The following AFG2A variants were observed in gnomAD, a reference collection of about 807,000 sequenced individuals.
AFG2A encodes the protein AAA ATPase AFG2A.
chr4:122,950,944 A>G, the AFG2A span, among the ~76,000 whole-genome samples: 2 of 152,184 alleles, frequency 1.3e-5, no homozygotes, highest in African/African-American at 2.4e-5. Context: ...GCAGGCTCCA[A>G]TTCTTTGCTA....
the AFG2A span, among the ~76,000 whole-genome samples, chr4:123,086,656 T>G: frequency 1.3e-5 from 2 of 152,164 alleles, no homozygotes; most frequent in Non-Finnish European, 2.9e-5. Context: ...ACCTATTTGC[T>G]TCATAGTTCT....
the AFG2A span, among the ~76,000 whole-genome samples, chr4:123,242,724 G>T: frequency 6.6e-6 from 1 of 152,236 alleles, no homozygotes; most frequent in African/African-American, 2.4e-5. Flanking sequence ...GAAAGAAATG[G>T]CAACAAAAGC....
At chr4:123,231,973 C>T in the AFG2A span, among the ~76,000 whole-genome samples, 1 of 151,858 alleles carries the variant, frequency 6.6e-6, no homozygotes, top group African/African-American at 2.4e-5. Flanking sequence ...ACAGTGATCA[C>T]AGGTCACCAT....
the AFG2A span, among the ~76,000 whole-genome samples, chr4:123,097,846 A>C: frequency 6.6e-6 from 1 of 152,184 alleles, no homozygotes; most frequent in Non-Finnish European, 1.5e-5. Context: ...CCTTTAGGCC[A>C]AACGTGACCC....
the AFG2A span, among the ~76,000 whole-genome samples, chr4:123,147,256 A>G: frequency 6.6e-6 from 1 of 152,142 alleles, no homozygotes; most frequent in African/African-American, 2.4e-5. Flanking sequence ...TTTAGTGCCT[A>G]AAACTGATCT....
the AFG2A span, among the ~76,000 whole-genome samples, chr4:122,961,318 G>A: frequency 1.3e-5 from 2 of 152,130 alleles, no homozygotes; most frequent in Non-Finnish European, 2.9e-5. Context: ...AGCTTGTTTG[G>A]ATTTTGGCAA....
the AFG2A span, among the ~76,000 whole-genome samples, chr4:123,130,670 G>T: frequency 1.7e-4 from 26 of 152,264 alleles, no homozygotes; most frequent in African/African-American, 6.0e-4. Flanking sequence ...AACAATAAAG[G>T]ACATTTTAGA....
chr4:122,980,520 G>A, the AFG2A span, among the ~76,000 whole-genome samples: 801 of 152,248 alleles, frequency 5.3e-3, 7 homozygotes, highest in African/African-American at 0.018. Context: ...TATGTACCCA[G>A]TAGTAGGATT....
chr4:123,004,625 CT>C, the AFG2A span, among the ~76,000 whole-genome samples: 1,843 of 152,262 alleles, frequency 0.012, 41 homozygotes, highest in African/African-American at 0.041. Context: ...TGAATACTGT[CT>C]ACTAATATTT....
At chr4:122,953,920 A>T in the AFG2A span, among the ~76,000 whole-genome samples, 1 of 152,230 alleles carries the variant, frequency 6.6e-6, no homozygotes, top group South Asian at 2.1e-4. Flanking sequence ...AGACACTAGC[A>T]CACCATACCA....
the AFG2A span, among the ~76,000 whole-genome samples, chr4:123,149,779 G>A: frequency 6.9e-6 from 1 of 145,354 alleles, no homozygotes; most frequent in Non-Finnish European, 1.5e-5. Context: ...AATTTCCTAA[G>A]CATTATTTTA....
the AFG2A span, among the ~76,000 whole-genome samples, chr4:123,272,056 T>G: frequency 6.6e-6 from 1 of 152,182 alleles, no homozygotes; most frequent in African/African-American, 2.4e-5. Context: ...ACACCAATGA[T>G]CTTTCCTATT....
the AFG2A span, among the ~76,000 whole-genome samples, chr4:123,038,845 A>G: frequency 6.6e-6 from 1 of 152,058 alleles, no homozygotes; most frequent in Non-Finnish European, 1.5e-5. Flanking sequence ...AGGAAGAAGC[A>G]TTGTTTCATT....
chr4:122,936,820 A>G, the AFG2A span, among the ~76,000 whole-genome samples: 2 of 152,186 alleles, frequency 1.3e-5, no homozygotes, highest in Non-Finnish European at 2.9e-5. Flanking sequence ...TCTCTACTAA[A>G]AATACAAAAA....
chr4:123,069,773 A>C, the AFG2A span, among the ~76,000 whole-genome samples: 1 of 152,220 alleles, frequency 6.6e-6, no homozygotes, highest in Non-Finnish European at 1.5e-5. Flanking sequence ...GAATTTGAGA[A>C]GCTAAGCAAT....
the AFG2A span, among the ~76,000 whole-genome samples, chr4:123,173,305 G>A: frequency 6.8e-6 from 1 of 146,224 alleles, no homozygotes; most frequent in Admixed American, 6.8e-5. Flanking sequence ...ACAAGTGTGG[G>A]AATTCTAAAT....
chr4:123,013,078 G>A, the AFG2A span, among the ~76,000 whole-genome samples: 2 of 152,178 alleles, frequency 1.3e-5, no homozygotes, highest in East Asian at 1.9e-4. Flanking sequence ...GGGTGGGGCC[G>A]TTTTATAGGA....
At chr4:123,219,909 G>T in the AFG2A span, among the ~76,000 whole-genome samples, 1 of 150,936 alleles carries the variant, frequency 6.6e-6, no homozygotes, top group Non-Finnish European at 1.5e-5. Flanking sequence ...CGCTCTTGTT[G>T]CCCAGGCTGG....
At chr4:123,117,148 A>G in the AFG2A span, among the ~76,000 whole-genome samples, 2 of 152,222 alleles carry the variant, frequency 1.3e-5, no homozygotes, top group Non-Finnish European at 1.5e-5. Context: ...GATAATTTGT[A>G]TTGACACTAA....
Sources: allele counts gnomAD v4.1 joint callset (sites outside exome capture counted in the v4.1 genomes callset), GRCh38; gene constraint gnomAD v4.1.1; transcripts MANE v1.5; gene names NCBI Gene and HGNC (gene_info 2026-07-23, HGNC 2026-07-21).